RNF212: variants seen among roughly 807,000 people sequenced by gnomAD.
RNF212 encodes the protein ring finger protein 212.
In RNF212, 33 loss-of-function variants were observed where a neutral mutation model predicts 34.7. The observed-to-expected ratio is 0.95, with a 90% CI of 0.72 to 1.27. The LOEUF is 1.27. Among genes scored for constraint, RNF212 ranks in the 50% most tolerant of loss-of-function variants. RNF212 has a pLI of 0.00. For synonymous variants in RNF212, 140 were observed against 136.1 expected, an observed-to-expected ratio of 1.03 and a Z score of -0.20; for missense variants, 377 against 362.2, an observed-to-expected ratio of 1.04 and a Z score of -0.33.
chr4:1,060,029 G>A (rs1346434941), intron 3 of RNF212, among the ~76,000 whole-genome samples: 1 of 148,452 alleles, frequency 6.7e-6, no homozygotes, highest in African/African-American at 2.5e-5. Flanking sequence ...GGGAGGCGGA[G>A]GTTAGGTTGC....
intron 3 of RNF212, among the ~76,000 whole-genome samples, chr4:1,065,768 G>A (rs1352222700): frequency 6.9e-6 from 1 of 144,946 alleles, no homozygotes; most frequent in Non-Finnish European, 1.6e-5. Flanking sequence ...GGCATTTTTA[G>A]TAGAAACAGG....
intron 2 of RNF212, among the ~76,000 whole-genome samples, chr4:1,098,721 A>G (rs1349205340): frequency 1.3e-5 from 2 of 152,178 alleles, no homozygotes; most frequent in Non-Finnish European, 2.9e-5. Context: ...CGGTCTCCCT[A>G]CGTATAAAAC....
chr4:1,093,942 C>T (rs1722628363), intron 3 of RNF212: 3 of 1,536,232 alleles, frequency 2.0e-6, no homozygotes, highest in African/African-American at 2.7e-5. Context: ...TGGGTCGAGC[C>T]TCTGGGCACC....
intron 8 of RNF212, among the ~76,000 whole-genome samples, chr4:1,075,017 A>G (rs1453148891): frequency 6.6e-6 from 1 of 152,178 alleles, no homozygotes; most frequent in Non-Finnish European, 1.5e-5. Flanking sequence ...ATTTAGAGAA[A>G]ATCTCCGCAG....
downstream of RNF212, among the ~76,000 whole-genome samples, chr4:1,068,335 C>G (rs774157268): frequency 1.3e-5 from 2 of 152,238 alleles, no homozygotes. Context: ...ATGCCTCTGT[C>G]TCCTTTGTCC....
At chr4:1,057,516 G>C (rs1028499091) in intron 4 of RNF212, among the ~76,000 whole-genome samples, 2 of 152,164 alleles carry the variant, frequency 1.3e-5, no homozygotes, top group Admixed American at 1.3e-4. Flanking sequence ...CCTGCCACCT[G>C]TTTTTGTAAA....
chr4:1,084,492 C>T (rs533415701), intron 5 of RNF212, among the ~76,000 whole-genome samples: 106 of 152,016 alleles, frequency 7.0e-4, no homozygotes, highest in Non-Finnish European at 1.3e-3. Context: ...CACTTTGGGA[C>T]GCTGAGGTGG....
At chr4:1,087,526 G>T (rs1028058667) in intron 4 of RNF212, among the ~76,000 whole-genome samples, 1 of 143,214 alleles carries the variant, frequency 7.0e-6, no homozygotes, top group Non-Finnish European at 1.5e-5. Context: ...GATGAGGTGG[G>T]GGGGTGACAG....
intron 4 of RNF212, among the ~76,000 whole-genome samples, chr4:1,087,781 G>A (rs1268390590): frequency 6.6e-6 from 1 of 152,018 alleles, no homozygotes; most frequent in South Asian, 2.1e-4. Context: ...TCATGACAGT[G>A]AGTTCTCACG....
intron 7 of RNF212, 29 bp from the exon 8 acceptor site, chr4:1,079,717 G>A (rs1214027239): frequency 1.9e-6 from 3 of 1,555,596 alleles, no homozygotes; most frequent in Admixed American, 3.3e-5. Context: ...AAGGCTTTGA[G>A]TGAGCCCAGG....
intron 2 of RNF212, among the ~76,000 whole-genome samples, chr4:1,106,885 T>C (rs1724914248): frequency 6.6e-6 from 1 of 152,222 alleles, no homozygotes; most frequent in South Asian, 2.1e-4. Flanking sequence ...GCCACAGAAA[T>C]ATTCTTATAA....
chr4:1,073,950 G>GA (rs201164859), intron 8 of RNF212, among the ~76,000 whole-genome samples: 87 of 151,572 alleles, frequency 5.7e-4, no homozygotes, highest in African/African-American at 1.7e-3. Context: ...AATTTTAGGT[G>GA]AAAAAAAACA....
intron 4 of RNF212, among the ~76,000 whole-genome samples, chr4:1,090,126 C>T (rs75811516): frequency 1.5e-5 from 2 of 129,968 alleles, no homozygotes; most frequent in Non-Finnish European, 3.2e-5. Context: ...GGTGACAGGA[C>T]AGGGATGGGG....
At position 1,073,099 on chromosome 4, in the gene RNF212, T is replaced by C. The variant is rs1718701403; in HGVS notation, c.669A>G (p.Pro223=). ...GAGGACAGACGTCTATGCAGAAACA[T>C]GGTGAACCTCTGGAAATGACACACT... The part of the protein sequence containing the change: ...PGECVISRGS[P]CFCIDVCPHW... Residue 223 remains proline, a synonymous_variant, in exon 10 of 10, where the codon CCA becomes CCG. Transcript: ENST00000433731. 1 of 1,614,032 alleles carries C rather than the reference T, an allele frequency of 6.2e-7. No homozygotes were observed. The highest frequency in any genetic ancestry group is 1.1e-5 in the South Asian group (1 of 91,082).
intron 2 of RNF212, chr4:1,099,770 G>T: frequency 2.2e-6 from 1 of 456,284 alleles, no homozygotes; most frequent in South Asian, 1.5e-5. Context: ...AGGGCGTAAG[G>T]AATGGAGGAA....
intron 3 of RNF212, among the ~76,000 whole-genome samples, chr4:1,060,472 G>C (rs762633488): frequency 2.0e-5 from 3 of 152,238 alleles, no homozygotes; most frequent in Admixed American, 6.5e-5. Context: ...GAGCACCGCA[G>C]CCCTGAGGTG....
chr4:1,084,704 G>C (rs1162597698), intron 5 of RNF212, among the ~76,000 whole-genome samples: 1 of 146,728 alleles, frequency 6.8e-6, no homozygotes, highest in African/African-American at 2.6e-5. Flanking sequence ...TCCAGCCTGG[G>C]TGACAGAGGA....
intron 2 of RNF212, among the ~76,000 whole-genome samples, chr4:1,107,065 T>C (rs922327997): frequency 1.3e-5 from 2 of 152,114 alleles, no homozygotes; most frequent in African/African-American, 4.8e-5. Flanking sequence ...CATTTTTTTT[T>C]TTTTTAGACT....
rs982092914 is a variant in RNF212 at position 1,112,105 on chromosome 4, G to T, written c.109+1251C>A. Among the ~76,000 whole-genome samples, 3 of 152,342 alleles carry T rather than the reference G, an allele frequency of 2.0e-5. No individual in the cohort carries two copies. The South Asian group carries it at 6.2e-4, about 32-fold the overall frequency. On this transcript the variant is annotated intron_variant, in intron 1 of 9. Coordinates refer to ENST00000433731, the MANE Select transcript of RNF212 (RefSeq NM_001131034.4). ...TGCCTGTAGCCCCGCTACCCTGGAGGCTGAGGTAGGAGAATCACTTGAGCC... is the reference window on the plus strand; with the variant it reads ...TGCCTGTAGCCCCGCTACCCTGGAGTCTGAGGTAGGAGAATCACTTGAGCC...
Sources: allele counts gnomAD v4.1 joint callset (sites outside exome capture counted in the v4.1 genomes callset), GRCh38; gene constraint gnomAD v4.1.1; transcripts MANE v1.5; gene names NCBI Gene and HGNC (gene_info 2026-07-23, HGNC 2026-07-21).